Variants in GOLPH3 observed in about 807,000 individuals in gnomAD.
GOLPH3 encodes the protein golgi phosphoprotein 3, also known as coat protein GPP34.
Under a neutral mutation model 28.5 loss-of-function variants are expected in GOLPH3, and 14 were observed. That is an observed-to-expected ratio of 0.49 (90% CI 0.32 to 0.77). GOLPH3 has a LOEUF of 0.77. GOLPH3 is among the 30% of genes least tolerant of loss of function. GOLPH3 has a pLI of 0.03. For missense variants in GOLPH3, 350 were observed against 393.7 expected, an observed-to-expected ratio of 0.89 and a Z score of 0.94; for synonymous variants, 158 against 159.2, an observed-to-expected ratio of 0.99 and a Z score of 0.06.
At chr5:32,147,878 TC>T (rs1405001051) in intron 1 of GOLPH3, among the ~76,000 whole-genome samples, 12 of 152,192 alleles carry the variant, frequency 7.9e-5, no homozygotes, top group African/African-American at 2.9e-4. Context: ...TCAAATCAAC[TC>T]CAGCTCTACC....
At chr5:32,135,842 G>A (rs952837781) in intron 2 of GOLPH3, among the ~76,000 whole-genome samples, 156 bp from the exon 3 acceptor site, 1 of 152,158 alleles carries the variant, frequency 6.6e-6, no homozygotes, top group African/African-American at 2.4e-5. Context: ...TTACTTTTAT[G>A]TTAAGGAAAT....
chr5:32,128,384 G>A (rs979188233), intron 3 of GOLPH3, among the ~76,000 whole-genome samples: 6 of 152,154 alleles, frequency 3.9e-5, no homozygotes, highest in African/African-American at 1.2e-4. Context: ...GCGGCCAGGC[G>A]CGGTGGCTCA....
intron 1 of GOLPH3, among the ~76,000 whole-genome samples, chr5:32,164,968 T>C (rs1295863421): frequency 2.0e-5 from 3 of 149,918 alleles, no homozygotes; most frequent in African/African-American, 7.4e-5. Flanking sequence ...GGCATGATCT[T>C]AGCTCACTGT....
intron 1 of GOLPH3, among the ~76,000 whole-genome samples, chr5:32,158,555 TATC>T (rs1383773292): frequency 6.6e-6 from 1 of 151,954 alleles, no homozygotes. Context: ...GACTCGAAGG[TATC>T]ATCAGCAAGT....
chr5:32,136,207 T>C (rs1332691413), intron 2 of GOLPH3, among the ~76,000 whole-genome samples: 1 of 151,982 alleles, frequency 6.6e-6, no homozygotes, highest in East Asian at 1.9e-4. Flanking sequence ...TGGCCGGGCA[T>C]GGTGGCTCAC....
intron 1 of GOLPH3, among the ~76,000 whole-genome samples, chr5:32,148,622 C>A (rs183611775): frequency 6.6e-6 from 1 of 152,216 alleles, no homozygotes; most frequent in Non-Finnish European, 1.5e-5. Context: ...ACGGTGAAAC[C>A]CCATCTCTAC....
intron 1 of GOLPH3, 38 bp from the exon 2 acceptor site, chr5:32,143,918 A>G: frequency 7.2e-7 from 1 of 1,386,538 alleles, no homozygotes; most frequent in Non-Finnish European, 9.6e-7. Context: ...CAAAATAGCT[A>G]ATTTACCTTG....
chr5:32,148,487 G>A (rs1351889956), intron 1 of GOLPH3, among the ~76,000 whole-genome samples: 1 of 152,120 alleles, frequency 6.6e-6, no homozygotes, highest in Non-Finnish European at 1.5e-5. Context: ...CAATGTTTTG[G>A]AAATGGCTTT....
In GOLPH3 at chr5:32,125,228, G is replaced by A. The variant is rs1376459188; in HGVS notation, c.*984C>T. 6.6e-6 allele frequency: 1 copy of A among 152,452 alleles called. No homozygotes were observed. The highest frequency in any genetic ancestry group is 1.5e-5 in the Non-Finnish European group (1 of 68,014). 9.4% of individuals were successfully genotyped at this position (152,452 alleles called of 1,614,324 possible). A position where few individuals can be genotyped will look rare whatever the true frequency, so the allele number is the denominator to read the frequency against. On this transcript the variant is annotated 3_prime_UTR_variant, in exon 4 of 4. Transcript: ENST00000265070. ...CAGAGCAGATATTAATTTACTTGTG[G>A]ACAGAAAAAGAAACTCAAGATTGGT...
intron 2 of GOLPH3, among the ~76,000 whole-genome samples, chr5:32,143,423 C>T (rs1018704221): frequency 5.1e-4 from 77 of 151,018 alleles, no homozygotes; most frequent in Non-Finnish European, 8.3e-4. Context: ...TCCCCCTCTG[C>T]GAGAAACACC....
intron 1 of GOLPH3, among the ~76,000 whole-genome samples, chr5:32,148,168 T>C (rs187820703): frequency 1.2e-4 from 18 of 152,304 alleles, no homozygotes; most frequent in Admixed American, 3.3e-4. Flanking sequence ...ACTGTTGCCA[T>C]GTAAAATGTG....
chr5:32,143,833 G>A lies in GOLPH3; in HGVS notation c.273C>T (p.Gly91=). The change falls in exon 2 of 4, where the codon GGC becomes GGT. Residue 91 remains glycine, a synonymous_variant. Coordinates refer to ENST00000265070, the MANE Select transcript of GOLPH3 (RefSeq NM_022130.4). ...WNDCISSGLR[G]CMLIELALRG... ...TCAATGCTAATTCAATTAACATACA[G>A]CCACGTAATCCAGATGATATACAGT... 6.3e-7 allele frequency: 1 copy of A among 1,597,678 alleles called. No homozygotes were observed.
chr5:32,170,988 G>A (rs1746821142), intron 1 of GOLPH3, among the ~76,000 whole-genome samples: 1 of 152,072 alleles, frequency 6.6e-6, no homozygotes, highest in Admixed American at 6.5e-5. Flanking sequence ...CCTTAGCCAT[G>A]ACTAGCAAAG....
intron 1 of GOLPH3, among the ~76,000 whole-genome samples, chr5:32,164,328 A>G (rs1295768608): frequency 6.6e-6 from 1 of 152,184 alleles, no homozygotes; most frequent in African/African-American, 2.4e-5. Context: ...TGAAATTTTA[A>G]TATGATGGAA....
chr5:32,155,822 T>C (rs1399870861), intron 1 of GOLPH3, among the ~76,000 whole-genome samples: 2 of 151,284 alleles, frequency 1.3e-5, no homozygotes, highest in Non-Finnish European at 2.9e-5. Flanking sequence ...TGGGGCATGG[T>C]GGCGCATGCC....
chr5:32,165,520 T>G (rs1351386182), intron 1 of GOLPH3, among the ~76,000 whole-genome samples: 1 of 151,906 alleles, frequency 6.6e-6, no homozygotes, highest in African/African-American at 2.4e-5. Context: ...GAGGCAGAGG[T>G]TGAAGTGAGC....
chr5:32,136,758 A>T (rs1284172803), intron 2 of GOLPH3, among the ~76,000 whole-genome samples: 2 of 152,224 alleles, frequency 1.3e-5, no homozygotes, highest in African/African-American at 2.4e-5. Flanking sequence ...TGAAGTCAGG[A>T]ATGCTTAAGT....
chr5:32,126,129 C>T lies in GOLPH3; in HGVS notation c.*83G>A, dbSNP rs1745672719. The T allele has an allele frequency of 7.1e-6, 10 of 1,399,706 alleles. No individual in the cohort carries two copies. In the South Asian group the frequency reaches 1.3e-4, roughly 18 times the overall value. 86.7% of individuals were successfully genotyped at this position (1,399,706 alleles called of 1,614,324 possible). On this transcript the variant is annotated 3_prime_UTR_variant, in exon 4 of 4. Transcript: ENST00000265070. ...AAGCCAATTATAGTGTGGGAAAGTA[C>T]AAATTACAGAAAACCAGAAGTCAAC... is the stretch of plus-strand genomic sequence containing the variant.
chr5:32,126,682 T>A, intron 3 of GOLPH3, 46 bp from the exon 4 acceptor site: 1 of 1,511,030 alleles, frequency 6.6e-7, no homozygotes, highest in Non-Finnish European at 8.9e-7. Flanking sequence ...TATTATCTGC[T>A]AATTTTGCAA....
Sources: gnomAD v4.1 joint callset for allele counts (sites outside exome capture counted in the v4.1 genomes callset) on GRCh38, gnomAD v4.1.1 for gene constraint, MANE v1.5 for transcripts, NCBI Gene and HGNC (gene_info 2026-07-23, HGNC 2026-07-21) for gene names.